PDCD4: variants seen among roughly 807,000 people sequenced by gnomAD.
The protein encoded by PDCD4 is programmed cell death 4, also known as programmed cell death protein 4.
PDCD4 carries 56 observed loss-of-function variants against 54.0 expected under a neutral mutation model. The ratio of observed to expected loss-of-function variants is 1.04; its 90% CI spans 0.84 to 1.30. The LOEUF (loss-of-function observed/expected upper bound fraction) is 1.30, where lower values mean the gene tolerates loss of function less well. Among genes scored for constraint, PDCD4 ranks in the 50% most tolerant of loss-of-function variants. The pLI, the probability that PDCD4 is intolerant of heterozygous loss-of-function variation, is 0.00. For missense variants in PDCD4, 584 were observed against 559.8 expected (o/e 1.04, Z -0.44); for synonymous variants, 186 against 194.8 (o/e 0.95, Z 0.37).
chr10:110,881,647 A>G, intron 3 of PDCD4, 112 bp downstream of exon 3: 2 of 826,846 alleles, frequency 2.4e-6, no homozygotes, highest in Non-Finnish European at 3.7e-6. Context: ...AAAAAGTGAA[A>G]ATGTAAGGCT....
chr10:110,885,243 C>T lies in PDCD4; in HGVS notation c.442-10C>T, dbSNP rs750152314. ...TTTTTTATAACTCTTACTCCCTTTT[C>T]CCCTCAAAGGAGAACTGTGTTTATG... On this transcript the variant is annotated splice_polypyrimidine_tract_variant and intron_variant, in intron 4 of 11. Transcript: ENST00000280154. The T allele has an allele frequency of 2.3e-6, 3 of 1,309,098 alleles. No homozygotes were observed. Among genetic ancestry groups the T allele is most frequent in the African/African-American group, 1.5e-5 (1 of 67,248 alleles). The allele number at this position is 1,309,098 out of a possible 1,614,324, so 81.1% of individuals were successfully genotyped here. A position where few individuals can be genotyped will look rare whatever the true frequency, so the allele number is the denominator to read the frequency against.
At chr10:110,888,124 A>T (rs562246052) in intron 6 of PDCD4, among the ~76,000 whole-genome samples, 4 of 149,432 alleles carry the variant, frequency 2.7e-5, no homozygotes, top group Non-Finnish European at 5.9e-5. Context: ...TATGATCTGC[A>T]TAGTTTTTAG....
At chr10:110,877,539 A>G (rs1374617448) in intron 2 of PDCD4, among the ~76,000 whole-genome samples, 1 of 152,196 alleles carries the variant, frequency 6.6e-6, no homozygotes, top group African/African-American at 2.4e-5. Flanking sequence ...TAATGTGGCT[A>G]CTGGAAAATT....
At chr10:110,881,202 TA>T in intron 2 of PDCD4, 30 bp from the exon 3 acceptor site, 1 of 1,532,620 alleles carries the variant, frequency 6.5e-7, no homozygotes, top group Non-Finnish European at 8.9e-7. Context: ...TTAAAATACT[TA>T]GAATTTTTTT....
At chr10:110,874,668 T>G (rs181546482) in intron 1 of PDCD4, among the ~76,000 whole-genome samples, 29 of 152,312 alleles carry the variant, frequency 1.9e-4, no homozygotes, top group Admixed American at 1.3e-3. Flanking sequence ...CATATTAGTC[T>G]GAGGATTATA....
Position 110,874,176 on chromosome 10 carries a change from G to T in PDCD4, c.-62-1790G>T, listed in dbSNP as rs568821033. Among the ~76,000 whole-genome samples the T allele has an allele frequency of 9.9e-5, 15 of 152,174 alleles. 1 individual carries two copies. The highest frequency in any genetic ancestry group is 7.4e-5 in the Non-Finnish European group (5 of 67,988). ...GAATCTGTTTAGTTGTGTGTAAGGT[G>T]GAATACCTACCCGAAGGTTTTTCTG... On this transcript the variant is annotated intron_variant, in intron 1 of 11. Coordinates refer to ENST00000280154, the MANE Select transcript of PDCD4 (RefSeq NM_014456.5).
chr10:110,894,201 A>C lies in PDCD4; in HGVS notation c.1098+3A>C. ...TTCACCATGAGCTTGTATATGAAGT[A>C]AGATTACCTTGCCATGTCAAAGATA... is the stretch of plus-strand genomic sequence containing the variant. On this transcript the variant is annotated splice_donor_region_variant and intron_variant, in intron 9 of 11. Transcript: ENST00000280154. 2 of 1,484,708 alleles carry C rather than the reference A, an allele frequency of 1.3e-6. No homozygotes were observed. Among genetic ancestry groups the C allele is most frequent in the Non-Finnish European group, 1.9e-6 (2 of 1,062,536 alleles). The allele number at this position is 1,484,708 out of a possible 1,614,324, so 92.0% of individuals were successfully genotyped here.
At chr10:110,879,205 C>G (rs931850988) in intron 2 of PDCD4, among the ~76,000 whole-genome samples, 3 of 152,166 alleles carry the variant, frequency 2.0e-5, no homozygotes, top group Non-Finnish European at 2.9e-5. Flanking sequence ...TTTATACTTT[C>G]TCTTTTTGTA....
At chr10:110,879,036 G>C (rs777314736) in intron 2 of PDCD4, among the ~76,000 whole-genome samples, 2 of 152,096 alleles carry the variant, frequency 1.3e-5, no homozygotes, top group African/African-American at 2.4e-5. Flanking sequence ...TTAAGGCATT[G>C]TTTGACTTCT....
intron 8 of PDCD4, among the ~76,000 whole-genome samples, chr10:110,891,174 G>A (rs1188921520): frequency 6.6e-6 from 1 of 152,062 alleles, no homozygotes; most frequent in African/African-American, 2.4e-5. Context: ...AGAGGCTGAG[G>A]CGGGTGGATT....
At chr10:110,897,166 T>TAATATGAAAAGG (rs1845849933) in intron 11 of PDCD4, among the ~76,000 whole-genome samples, 4 of 152,358 alleles carry the variant, frequency 2.6e-5, no homozygotes, top group South Asian at 4.1e-4. Context: ...ACCCTGGCAT[T>TAATATGAAAAGG]GGCTTTTTGA....
intron 9 of PDCD4, 100 bp from the exon 10 acceptor site, chr10:110,894,312 G>C: frequency 1.1e-6 from 1 of 887,674 alleles, no homozygotes; most frequent in Non-Finnish European, 1.8e-6. Context: ...GGAGGAAGTG[G>C]TTATTAAATT....
chr10:110,890,656 C>A lies in PDCD4; in HGVS notation c.976C>A (p.His326Asn), dbSNP rs760531189. The change falls in exon 8 of 12, where the codon CAC becomes AAC. Residue 326 changes from histidine (H) to asparagine (N), a missense_variant. His to Asn is a moderately conservative substitution (Grantham distance 68). Transcript: ENST00000280154. The part of the protein sequence containing the change: ...GSGGGQQSVN[H>N]LVKEIDMLLK... Reference sequence around the variant, plus strand: ...TGGAGGTGGGCAGCAATCTGTCAATCACCTTGTTAAAGAGGTAATGATTGG... The same window carrying A: ...TGGAGGTGGGCAGCAATCTGTCAATAACCTTGTTAAAGAGGTAATGATTGG... 1.2e-6 allele frequency: 2 copies of A among 1,603,344 alleles called. No individual in the cohort carries two copies. Among genetic ancestry groups the A allele is most frequent in the Non-Finnish European group, 1.7e-6 (2 of 1,170,732 alleles).
At chr10:110,879,489 C>A (rs1240108826) in intron 2 of PDCD4, among the ~76,000 whole-genome samples, 1 of 151,720 alleles carries the variant, frequency 6.6e-6, no homozygotes, top group East Asian at 2.0e-4. Context: ...ACACGGTGAC[C>A]CCATCTGTAC....
rs1322080626 is a variant in PDCD4 at position 110,887,805 on chromosome 10, C to T, written c.696C>T (p.Ser232=). The T allele has an allele frequency of 6.2e-7, 1 of 1,613,472 alleles. No individual in the cohort carries two copies. Among genetic ancestry groups the T allele is most frequent in the East Asian group, 2.2e-5 (1 of 44,852 alleles). The part of the protein sequence containing the change: ...LLSDLCGTVM[S]TTDVEKSFDK... ...CTGACCTTTGTGGGACAGTAATGAG[C>T]ACAACTGATGTGGAAAAATCATTTG... The change falls in exon 6 of 12, where the codon AGC becomes AGT. Residue 232 remains serine, a synonymous_variant. Transcript: ENST00000280154.
intron 3 of PDCD4, among the ~76,000 whole-genome samples, chr10:110,881,814 T>TA (rs1486435815): frequency 1.3e-5 from 2 of 152,186 alleles, no homozygotes; most frequent in Non-Finnish European, 2.9e-5. Flanking sequence ...TTTTCACTGT[T>TA]ACGAGTTTTA....
intron 10 of PDCD4, 80 bp from the exon 11 acceptor site, chr10:110,895,868 G>A (rs985134662): frequency 6.7e-6 from 7 of 1,043,702 alleles, no homozygotes; most frequent in African/African-American, 3.3e-5. Flanking sequence ...AATACAAATT[G>A]ATGACATAGT....
intron 5 of PDCD4, 61 bp from the exon 6 acceptor site, chr10:110,887,604 T>C: frequency 8.3e-7 from 1 of 1,206,276 alleles, no homozygotes; most frequent in Non-Finnish European, 1.2e-6. Flanking sequence ...AAAATAAAAT[T>C]TTATTGAACT....
intron 8 of PDCD4, among the ~76,000 whole-genome samples, chr10:110,891,739 CT>C (rs893056886): frequency 2.0e-5 from 3 of 151,918 alleles, no homozygotes; most frequent in African/African-American, 7.3e-5. Context: ...ACTGTTTTTG[CT>C]TTTATATATG....
Sources: gnomAD v4.1 joint callset for allele counts (sites outside exome capture counted in the v4.1 genomes callset) on GRCh38, gnomAD v4.1.1 for gene constraint, MANE v1.5 for transcripts, NCBI Gene and HGNC (gene_info 2026-07-23, HGNC 2026-07-21) for gene names.